Variants in GRIK2 observed in about 807,000 individuals in gnomAD.
The protein encoded by GRIK2 is glutamate ionotropic receptor kainate type subunit 2.
In GRIK2, 32 loss-of-function variants were observed where a neutral mutation model predicts 100.3. That is an observed-to-expected ratio of 0.32 (90% CI 0.24 to 0.43). The LOEUF (loss-of-function observed/expected upper bound fraction) is 0.43, where lower values mean the gene tolerates loss of function less well. Ranked by LOEUF, GRIK2 falls within the 20% of genes least tolerant of loss-of-function variation. GRIK2 has a pLI of 1.00. For missense variants in GRIK2, 843 were observed against 1,114.9 expected, an observed-to-expected ratio of 0.76 and a Z score of 3.47; for synonymous variants, 417 against 389.4, an observed-to-expected ratio of 1.07 and a Z score of -0.83.
chr6:102,057,945 G>T (rs754067468), intron 16 of GRIK2, among the ~76,000 whole-genome samples: 1 of 151,660 alleles, frequency 6.6e-6, no homozygotes, highest in Non-Finnish European at 1.5e-5. Flanking sequence ...ATGGGTTTGG[G>T]CACAGAGCAT....
In GRIK2 at chr6:102,042,916, T is replaced by TA. The variant is rs1054635446; in HGVS notation, c.2311+7355dup. ...TATATATGAAATATGTCAGAACCAG[T>TA]AAAAATAGTTGGCTGTTTCATTACA... On this transcript the variant is annotated intron_variant, in intron 15 of 16. Coordinates refer to ENST00000369134, the MANE Select transcript of GRIK2 (RefSeq NM_021956.5). Among the ~76,000 whole-genome samples the TA allele has an allele frequency of 3.3e-5, 5 of 151,704 alleles. No homozygotes were observed. The Admixed American group carries it at 3.3e-4, about 10-fold the overall frequency.
intron 7 of GRIK2, among the ~76,000 whole-genome samples, chr6:101,732,594 T>C (rs954952678): frequency 2.0e-5 from 3 of 152,208 alleles, no homozygotes; most frequent in African/African-American, 7.2e-5. Context: ...CAAATATTTA[T>C]ACTTTGCCTC....
chr6:102,035,324 A>ATATT lies in GRIK2; in HGVS notation c.2086-11_2086-8dup, dbSNP rs1770214020. On this transcript the variant is annotated splice_polypyrimidine_tract_variant and intron_variant, in intron 14 of 16. Transcript: ENST00000369134. ...AGAATAACTTTCTCGTGACCAACTT[A>ATATT]TATTTATTTTCTTCAGAAATCAAAA... 2 of 1,467,768 alleles carry ATATT rather than the reference A, an allele frequency of 1.4e-6. No individual in the cohort carries two copies. 90.9% of individuals were successfully genotyped at this position (1,467,768 alleles called of 1,614,324 possible). A position where few individuals can be genotyped will look rare whatever the true frequency, so the allele number is the denominator to read the frequency against.
At chr6:101,827,275 G>A (rs966163735) in intron 10 of GRIK2, among the ~76,000 whole-genome samples, 6 of 151,842 alleles carry the variant, frequency 4.0e-5, no homozygotes, top group African/African-American at 1.5e-4. Flanking sequence ...GATTGCCTTT[G>A]CTTAATAGAC....
chr6:101,413,104 A>C (rs1205387055), intron 2 of GRIK2, among the ~76,000 whole-genome samples: 1 of 152,030 alleles, frequency 6.6e-6, no homozygotes, highest in Non-Finnish European at 1.5e-5. Flanking sequence ...TTGTGAGTAA[A>C]CTGTGGAGAG....
chr6:101,401,381 C>T (rs1562111298), intron 2 of GRIK2, among the ~76,000 whole-genome samples: 1 of 152,062 alleles, frequency 6.6e-6, no homozygotes, highest in African/African-American at 2.4e-5. Context: ...CTCTCTCACA[C>T]ACACGCACAC....
At chr6:101,821,002 A>G (rs974155728) in intron 10 of GRIK2, among the ~76,000 whole-genome samples, 14 of 152,160 alleles carry the variant, frequency 9.2e-5, no homozygotes, top group Admixed American at 3.3e-4. Flanking sequence ...TGATTTCTCA[A>G]TGTCGGAGAA....
chr6:101,746,691 A>G (rs1776438935), intron 7 of GRIK2, among the ~76,000 whole-genome samples: 1 of 151,994 alleles, frequency 6.6e-6, no homozygotes, highest in Non-Finnish European at 1.5e-5. Flanking sequence ...CTTCAAATTG[A>G]CTTGTTTGTT....
chr6:101,526,626 T>C (rs1160773193), intron 2 of GRIK2, among the ~76,000 whole-genome samples: 1 of 152,160 alleles, frequency 6.6e-6, no homozygotes, highest in Non-Finnish European at 1.5e-5. Flanking sequence ...TGGGTGATGC[T>C]ATAAGGAAGG....
At chr6:101,551,018 G>A (rs1386316678) in intron 2 of GRIK2, among the ~76,000 whole-genome samples, 1 of 152,110 alleles carries the variant, frequency 6.6e-6, no homozygotes, top group East Asian at 1.9e-4. Flanking sequence ...TGGAGCCTCA[G>A]CCTCACCTAA....
chr6:101,831,863 G>A (rs1036560073), intron 10 of GRIK2, among the ~76,000 whole-genome samples: 2 of 151,942 alleles, frequency 1.3e-5, no homozygotes, highest in African/African-American at 2.4e-5. Flanking sequence ...TCACAGTTTT[G>A]CTATGTACAT....
intron 2 of GRIK2, among the ~76,000 whole-genome samples, chr6:101,591,413 C>G (rs1778633613): frequency 6.6e-6 from 1 of 151,884 alleles, no homozygotes. Context: ...CAAATCATAT[C>G]TCAAGAGCCA....
At chr6:101,660,155 A>T (rs1769506443) in intron 4 of GRIK2, among the ~76,000 whole-genome samples, 1 of 152,026 alleles carries the variant, frequency 6.6e-6, no homozygotes, top group Non-Finnish European at 1.5e-5. Flanking sequence ...TATTTCTTGG[A>T]GGCTTTGTTC....
intron 2 of GRIK2, among the ~76,000 whole-genome samples, chr6:101,546,825 T>C (rs1776260259): frequency 1.2e-5 from 1 of 84,196 alleles, no homozygotes; most frequent in Non-Finnish European, 2.5e-5. Flanking sequence ...GTTTCTTTTT[T>C]TTTTTTTTTT....
At chr6:101,562,957 G>C (rs1358069744) in intron 2 of GRIK2, among the ~76,000 whole-genome samples, 1 of 152,166 alleles carries the variant, frequency 6.6e-6, no homozygotes, top group Non-Finnish European at 1.5e-5. Flanking sequence ...GGGCAGTGAA[G>C]CTTTATAAGC....
chr6:101,399,380 G>T lies in GRIK2; in HGVS notation c.103G>T (p.Val35Leu). 1 of 1,517,240 alleles carries T rather than the reference G, an allele frequency of 6.6e-7. No individual in the cohort carries two copies. Among genetic ancestry groups the T allele is most frequent in the Non-Finnish European group, 9.2e-7 (1 of 1,091,568 alleles). The allele number at this position is 1,517,240 out of a possible 1,614,324, so 94.0% of individuals were successfully genotyped here. ...WIGYSQGTTH[V>L]LRFGGIFEYV... is the part of the protein sequence containing the mutation. ...TGGATATTCTCAAGGAACCACACAT[G>T]TATTAAGATTTGGTAAGATTCCCCA... The change falls in exon 2 of 17, where the codon GTA (valine) becomes TTA (leucine). Residue 35 changes from valine (V) to leucine (L), a missense_variant. Val to Leu is a conservative substitution (Grantham distance 32). This residue lies in a region of GRIK2 where 519 missense variants were observed against 643.8 expected (regional missense o/e 0.81). Transcript: ENST00000369134.
chr6:101,551,457 T>G (rs1776504632), intron 2 of GRIK2, among the ~76,000 whole-genome samples: 1 of 152,100 alleles, frequency 6.6e-6, no homozygotes, highest in Admixed American at 6.6e-5. Flanking sequence ...GGATAAAATT[T>G]TAGAGGAGTA....
intron 2 of GRIK2, among the ~76,000 whole-genome samples, chr6:101,453,646 AC>A (rs1325139756): frequency 6.6e-6 from 1 of 151,852 alleles, no homozygotes; most frequent in Non-Finnish European, 1.5e-5. Flanking sequence ...TAAATTCTTA[AC>A]TTTTTTGTGA....
At chr6:101,757,559 C>A (rs1777213856) in intron 7 of GRIK2, among the ~76,000 whole-genome samples, 1 of 152,126 alleles carries the variant, frequency 6.6e-6, no homozygotes, top group African/African-American at 2.4e-5. Context: ...ATACAATTAT[C>A]ATTCTATTTC....
Sources: gnomAD v4.1 joint callset for allele counts (sites outside exome capture counted in the v4.1 genomes callset) on GRCh38, gnomAD v4.1.1 for gene constraint, gnomAD v4.1.1 regional missense constraint, MANE v1.5 for transcripts, NCBI Gene and HGNC (gene_info 2026-07-23, HGNC 2026-07-21) for gene names.